GPHN: variants seen among roughly 807,000 people sequenced by gnomAD.
GPHN encodes the protein gephyrin.
GPHN carries 17 observed loss-of-function variants against 95.5 expected under a neutral mutation model. The observed-to-expected ratio is 0.18, with a 90% confidence interval of 0.12 to 0.27. The LOEUF is 0.27. GPHN is among the 10% of genes least tolerant of loss of function. The pLI, the probability that GPHN is intolerant of heterozygous loss-of-function variation, is 1.00. For synonymous variants in GPHN, 320 were observed against 322.5 expected (o/e 0.99, Z 0.08); for missense variants, 660 against 978.1 (o/e 0.67, Z 4.34).
At chr14:66,648,798 C>T (rs1293162994) in intron 1 of GPHN, among the ~76,000 whole-genome samples, 1 of 152,020 alleles carries the variant, frequency 6.6e-6, no homozygotes, top group East Asian at 1.9e-4. Context: ...AAATGAAAAC[C>T]ATTAAAGTGG....
chr14:67,034,081 A>C (rs908504756), intron 10 of GPHN, among the ~76,000 whole-genome samples: 25 of 152,218 alleles, frequency 1.6e-4, no homozygotes, highest in African/African-American at 5.8e-4. Context: ...AGAGTCCTGC[A>C]AGTTGACATG....
chr14:67,651,589 T>A, the GPHN span: 1 of 1,246,534 alleles, frequency 8.0e-7, no homozygotes, highest in Non-Finnish European at 1.1e-6. Context: ...AGGCTGTATG[T>A]TTGATCACAC....
intron 4 of GPHN, among the ~76,000 whole-genome samples, chr14:66,825,274 C>T (rs1378363350): frequency 6.6e-6 from 1 of 152,054 alleles, no homozygotes; most frequent in Non-Finnish European, 1.5e-5. Context: ...GACATTGTTT[C>T]CTTTACCTAC....
the GPHN span, among the ~76,000 whole-genome samples, chr14:67,213,095 G>GTTTT: frequency 1.9e-4 from 26 of 135,676 alleles, no homozygotes; most frequent in African/African-American, 6.3e-4. Flanking sequence ...ATTCTGTGGT[G>GTTTT]TTTTTTTTTT....
At chr14:67,251,396 G>A in the GPHN span, among the ~76,000 whole-genome samples, 1 of 152,106 alleles carries the variant, frequency 6.6e-6, no homozygotes, top group Non-Finnish European at 1.5e-5. Context: ...AGCTGGACTT[G>A]GTGGTGTGTG....
At chr14:66,646,995 G>A (rs1405962487) in intron 1 of GPHN, among the ~76,000 whole-genome samples, 1 of 151,694 alleles carries the variant, frequency 6.6e-6, no homozygotes, top group Non-Finnish European at 1.5e-5. Context: ...CTCCCAGGCT[G>A]AAGCAATCCT....
At chr14:66,776,109 T>A (rs2059373032) in intron 2 of GPHN, among the ~76,000 whole-genome samples, 1 of 152,188 alleles carries the variant, frequency 6.6e-6, no homozygotes, top group African/African-American at 2.4e-5. Flanking sequence ...TAAAAAGCTA[T>A]GATTTCTTTC....
chr14:67,593,403 A>G, the GPHN span: 1 of 266,918 alleles, frequency 3.7e-6, no homozygotes, highest in African/African-American at 2.3e-5. Flanking sequence ...AGGTGGGAGA[A>G]TGGCTTGAGC....
At chr14:66,551,349 T>C (rs1286018155) in intron 1 of GPHN, among the ~76,000 whole-genome samples, 1 of 152,232 alleles carries the variant, frequency 6.6e-6, no homozygotes, top group South Asian at 2.1e-4. Context: ...CTGATCTTTG[T>C]AGCCACTCAT....
At chr14:66,613,934 T>C in intron 1 of GPHN, among the ~76,000 whole-genome samples, 1 of 152,178 alleles carries the variant, frequency 6.6e-6, no homozygotes, top group South Asian at 2.1e-4. Context: ...GTCTTTCATT[T>C]TACTCATTGT....
chr14:67,384,702 A>C, the GPHN span: 2 of 152,170 alleles, frequency 1.3e-5, no homozygotes, highest in South Asian at 2.1e-4. Flanking sequence ...CCATTTATGA[A>C]GGTTTGTTCC....
the GPHN span, among the ~76,000 whole-genome samples, chr14:67,196,194 T>C: frequency 6.6e-6 from 1 of 151,932 alleles, no homozygotes; most frequent in African/African-American, 2.4e-5. Flanking sequence ...AGCTTTCTTT[T>C]TCTTTCCTTT....
chr14:66,678,748 C>T (rs2066763611), intron 1 of GPHN, among the ~76,000 whole-genome samples: 1 of 151,926 alleles, frequency 6.6e-6, no homozygotes, highest in Admixed American at 6.6e-5. Flanking sequence ...TTTCTGTAGA[C>T]ATATCTATAG....
intron 4 of GPHN, among the ~76,000 whole-genome samples, chr14:66,848,538 ATTTCTCGTTAC>A (rs1295839773): frequency 1.3e-5 from 2 of 152,080 alleles, no homozygotes; most frequent in African/African-American, 4.8e-5. Flanking sequence ...TGGTTTTCAA[ATTTCTCGTTAC>A]TTTCTCGTTA....
At chr14:67,172,530 G>A (rs2082655698) in intron 21 of GPHN, among the ~76,000 whole-genome samples, 2 of 152,078 alleles carry the variant, frequency 1.3e-5, no homozygotes, top group South Asian at 4.1e-4. Context: ...GCAGCACATA[G>A]TCCCTAGGTG....
At chr14:67,125,741 C>T (rs2079270869) in intron 17 of GPHN, among the ~76,000 whole-genome samples, 1 of 150,958 alleles carries the variant, frequency 6.6e-6, no homozygotes, top group South Asian at 2.1e-4. Context: ...CGTGCCACTG[C>T]ACTCCAGCCT....
At chr14:66,519,275 A>G (rs2058377766) in intron 1 of GPHN, among the ~76,000 whole-genome samples, 1 of 151,976 alleles carries the variant, frequency 6.6e-6, no homozygotes, top group African/African-American at 2.4e-5. Flanking sequence ...TCATCACATT[A>G]CTTCTCTAGT....
the GPHN span, among the ~76,000 whole-genome samples, chr14:67,682,197 T>C: frequency 1.3e-5 from 2 of 152,186 alleles, no homozygotes; most frequent in Admixed American, 6.5e-5. Context: ...TAGTAAATCT[T>C]TGTGACCTTG....
intron 2 of GPHN, among the ~76,000 whole-genome samples, chr14:66,741,961 G>A (rs938283851): frequency 1.3e-5 from 2 of 152,110 alleles, no homozygotes; most frequent in Non-Finnish European, 2.9e-5. Flanking sequence ...TATCTTCATT[G>A]GTTCCAGTGA....
Sources: allele counts gnomAD v4.1 joint callset (sites outside exome capture counted in the v4.1 genomes callset), GRCh38; gene constraint gnomAD v4.1.1; transcripts MANE v1.5; gene names NCBI Gene and HGNC (gene_info 2026-07-23, HGNC 2026-07-21).